The following MTRR variants were observed in gnomAD, a reference collection of about 807,000 sequenced individuals.
MTRR encodes methionine synthase reductase.
In MTRR, 63 loss-of-function variants were observed where a neutral mutation model predicts 79.2. The observed-to-expected ratio is 0.80, with a 90% confidence interval of 0.65 to 0.98. The LOEUF (loss-of-function observed/expected upper bound fraction) is 0.98. Among genes scored for constraint, MTRR ranks in the 50% least tolerant of loss-of-function variants. The probability of loss-of-function intolerance (pLI) is 0.00; values close to 1 mark genes in which losing one functional copy is unlikely to be tolerated. For synonymous variants in MTRR, 355 were observed against 313.3 expected (o/e 1.13, Z -1.41); for missense variants, 895 against 839.6 (o/e 1.07, Z -0.82).
At chr5:7,891,884 T>C (rs958301069) in intron 10 of MTRR, among the ~76,000 whole-genome samples, 2 of 151,722 alleles carry the variant, frequency 1.3e-5, no homozygotes, top group African/African-American at 2.4e-5. Context: ...CTACTAAAAA[T>C]ACAAAAAATT....
intron 1 of MTRR, chr5:7,861,672 A>G (rs746476901): frequency 1.5e-5 from 24 of 1,603,534 alleles, no homozygotes; most frequent in Non-Finnish European, 1.7e-5. Flanking sequence ...GAAGAAAGGA[A>G]AAATTCCTCG....
chr5:7,861,327 T>A, intron 1 of MTRR: 2 of 939,058 alleles, frequency 2.1e-6, no homozygotes, highest in Non-Finnish European at 3.1e-6. Context: ...TTATTATATA[T>A]TTTAGTTGCC....
upstream of MTRR, chr5:7,851,128 G>A: frequency 8.3e-7 from 1 of 1,202,118 alleles, no homozygotes; most frequent in Middle Eastern, 3.1e-4. Flanking sequence ...CGTCTAGCCC[G>A]CGTCTGTGTT....
At chr5:7,864,118 T>C (rs1746760193), upstream of MTRR, among the ~76,000 whole-genome samples, 1 of 152,202 alleles carries the variant, frequency 6.6e-6, no homozygotes, top group Non-Finnish European at 1.5e-5. Flanking sequence ...CCAAAAGTGC[T>C]GCGATTACAG....
rs1579758447 is a variant in MTRR at position 7,889,176 on chromosome 5, G to A, written c.1228G>A (p.Ala410Thr). The change falls in exon 9 of 15, where the codon GCA (alanine) becomes ACA (threonine). Residue 410 changes from alanine (A) to threonine (T), a missense_variant. Ala to Thr is a moderately conservative substitution (Grantham distance 58). Transcript: ENST00000440940. The stretch of plus-strand genomic sequence containing the variant: ...ACAGGAGCTGTGCAGTAAACAAGGG[G>A]CAGCCGATTATAGCCGCTTTGTACG... The part of the protein sequence containing the change: ...RLQELCSKQG[A>T]ADYSRFVRDA... 1 of 1,614,098 alleles carries A rather than the reference G, an allele frequency of 6.2e-7. No individual in the cohort carries two copies. Among genetic ancestry groups the A allele is most frequent in the Non-Finnish European group, 8.5e-7 (1 of 1,180,046 alleles).
chr5:7,888,987 A>AT (rs1433886685), intron 8 of MTRR, 108 bp from the exon 9 acceptor site: 3 of 1,337,420 alleles, frequency 2.2e-6, no homozygotes, highest in Non-Finnish European at 3.2e-6. Flanking sequence ...TGGCTTTCTC[A>AT]TTTTTTCTTG....
At chr5:7,891,101 G>T (rs1261180653) in intron 9 of MTRR, among the ~76,000 whole-genome samples, 1 of 151,954 alleles carries the variant, frequency 6.6e-6, no homozygotes, top group Non-Finnish European at 1.5e-5. Context: ...ATTCCTAGAA[G>T]CCTTTGCTTT....
In MTRR at chr5:7,896,954, C is replaced by G; in HGVS notation, c.1767C>G (p.Phe589Leu). The change falls in exon 13 of 15, where the codon TTC becomes TTG. Residue 589 changes from phenylalanine (F) to leucine (L), a missense_variant and splice_region_variant. Transcript: ENST00000440940. ...GCRHKDRDYL[F>L]RKELRHFLKH... ...GGCATAAGGATAGGGATTATCTATT[C>G]AGGTATTGTACAATTCCAGTATTGT... The G allele has an allele frequency of 6.2e-7, 1 of 1,613,848 alleles. No homozygotes were observed. Among genetic ancestry groups the G allele is most frequent in the Non-Finnish European group, 8.5e-7 (1 of 1,179,830 alleles).
intron 9 of MTRR, chr5:7,890,494 C>A (rs1021829026): frequency 4.5e-5 from 38 of 852,294 alleles, no homozygotes; most frequent in Non-Finnish European, 5.2e-5. Context: ...TTTTTGTTAC[C>A]TTTTAGAATG....
At chr5:7,866,528 C>A (rs968063137), upstream of MTRR, 7 of 761,912 alleles carry the variant, frequency 9.2e-6, no homozygotes, top group Non-Finnish European at 1.3e-5. Context: ...CAGGTCTCAT[C>A]TTCGGATCAC....
At chr5:7,879,781 C>T (rs1431062587) in intron 5 of MTRR, among the ~76,000 whole-genome samples, 2 of 152,140 alleles carry the variant, frequency 1.3e-5, no homozygotes, top group Non-Finnish European at 2.9e-5. Flanking sequence ...ACCTTTCTGC[C>T]ATGTGGAAGT....
At position 7,875,381 on chromosome 5, in the gene MTRR, G is replaced by A; in HGVS notation, c.401+6G>A. The A allele has an allele frequency of 6.3e-7, 1 of 1,594,164 alleles. No homozygotes were observed. On this transcript the variant is annotated splice_donor_region_variant and intron_variant, in intron 4 of 14. Transcript: ENST00000440940. Reference sequence around the variant, plus strand: ...CATGCAGATGACTGTGTAGGGTAAGGGCAGTGTTCTCTGTTTACTCCAATA... The same window carrying A: ...CATGCAGATGACTGTGTAGGGTAAGAGCAGTGTTCTCTGTTTACTCCAATA...
intron 2 of MTRR, chr5:7,872,394 G>A (rs1748146947): frequency 3.1e-6 from 1 of 318,424 alleles, no homozygotes; most frequent in African/African-American, 2.2e-5. Context: ...TTATAGCTCA[G>A]CTTATAGCTA....
chr5:7,868,120 A>T, upstream of MTRR: 1 of 1,407,934 alleles, frequency 7.1e-7, no homozygotes, highest in Non-Finnish European at 9.7e-7. Flanking sequence ...AAATTAAAAA[A>T]TTTAAAAACA....
upstream of MTRR, chr5:7,868,008 T>G: frequency 6.2e-7 from 1 of 1,614,060 alleles, no homozygotes. Context: ...GGTTTATTTT[T>G]TAAAGCAGCC....
chr5:7,857,282 TTG>T (rs1354547977), intron 1 of MTRR, among the ~76,000 whole-genome samples: 2 of 152,172 alleles, frequency 1.3e-5, no homozygotes, highest in African/African-American at 4.8e-5. Flanking sequence ...TCACTTTTGT[TTG>T]TACAGGTATA....
chr5:7,895,709 TACCAC>T lies in MTRR; in HGVS notation c.1558-23_1558-19del, dbSNP rs1195675514. The T allele has an allele frequency of 3.7e-6, 6 of 1,613,742 alleles. No individual in the cohort carries two copies. The highest frequency in any genetic ancestry group is 5.1e-6 in the Non-Finnish European group (6 of 1,179,674). On this transcript the variant is annotated intron_variant, in intron 11 of 14. Transcript: ENST00000440940. ...TCTTGCCTAGGTTTTCTTTCATACT[TACCAC>T]ATTTGATGTAATATTTCAGATATCC...
At chr5:7,867,107 A>G, upstream of MTRR, 1 of 1,614,206 alleles carries the variant, frequency 6.2e-7, no homozygotes. Context: ...GAAATGTGGG[A>G]CATGCCTCAC....
At chr5:7,888,959 C>T in intron 8 of MTRR, 136 bp from the exon 9 acceptor site, 3 of 920,424 alleles carry the variant, frequency 3.3e-6, no homozygotes, top group Non-Finnish European at 5.1e-6. Context: ...ATTCCCTCCT[C>T]CTGACAATAG....
Sources: gnomAD v4.1 joint callset for allele counts (sites outside exome capture counted in the v4.1 genomes callset) on GRCh38, gnomAD v4.1.1 for gene constraint, MANE v1.5 for transcripts, NCBI Gene and HGNC (gene_info 2026-07-23, HGNC 2026-07-21) for gene names.